The following BCKDHB variants were observed in gnomAD, a reference collection of about 807,000 sequenced individuals.
BCKDHB encodes 2-oxoisovalerate dehydrogenase subunit beta, mitochondrial.
BCKDHB carries 41 observed loss-of-function variants against 48.5 expected under a neutral mutation model. The observed-to-expected ratio is 0.85, with a 90% CI of 0.66 to 1.10. The LOEUF is 1.10. Ranked by LOEUF, BCKDHB falls within the 50% of genes least tolerant of loss-of-function variation. The probability of loss-of-function intolerance (pLI) is 0.00; values close to 1 mark genes in which losing one functional copy is unlikely to be tolerated. For synonymous variants in BCKDHB, 201 were observed against 174.8 expected, an observed-to-expected ratio of 1.15 and a Z score of -1.18; for missense variants, 496 against 494.2, an observed-to-expected ratio of 1.00 and a Z score of -0.03.
chr6:80,433,124 C>G, the BCKDHB span, among the ~76,000 whole-genome samples: 4 of 152,138 alleles, frequency 2.6e-5, no homozygotes, highest in African/African-American at 9.7e-5. Flanking sequence ...TCCTCCCAGT[C>G]AGGATACAAG....
chr6:80,356,934 TCCCCCG>T, the BCKDHB span: 10 of 58,416 alleles, frequency 1.7e-4, no homozygotes, highest in African/African-American at 2.6e-4. Flanking sequence ...TCTCTCTCTC[TCCCCCG>T]CCCCCGCCCC....
At chr6:80,148,604 T>C (rs1582234548) in intron 3 of BCKDHB, among the ~76,000 whole-genome samples, 1 of 152,136 alleles carries the variant, frequency 6.6e-6, no homozygotes, top group South Asian at 2.1e-4. Flanking sequence ...CCTAGTCTTA[T>C]TTAATTTAAA....
intron 6 of BCKDHB, among the ~76,000 whole-genome samples, chr6:80,196,957 C>G (rs1196282681): frequency 2.0e-5 from 3 of 152,160 alleles, no homozygotes; most frequent in Non-Finnish European, 4.4e-5. Context: ...CATTTTGTCA[C>G]TATTTATCTG....
At chr6:80,357,435 A>G in the BCKDHB span, among the ~76,000 whole-genome samples, 2 of 152,070 alleles carry the variant, frequency 1.3e-5, no homozygotes, top group African/African-American at 4.8e-5. Context: ...GCTAAACCCA[A>G]TTGCAAGATG....
intron 8 of BCKDHB, among the ~76,000 whole-genome samples, chr6:80,241,062 G>A (rs757715945): frequency 6.6e-6 from 1 of 152,070 alleles, no homozygotes; most frequent in Non-Finnish European, 1.5e-5. Context: ...GCTTGTGCAT[G>A]TGTCACGTTG....
chr6:80,116,215 T>A (rs1769696102), intron 1 of BCKDHB, among the ~76,000 whole-genome samples: 1 of 152,218 alleles, frequency 6.6e-6, no homozygotes, highest in South Asian at 2.1e-4. Context: ...TGCATAGTTA[T>A]TAAAGACCTA....
chr6:80,406,426 A>G, the BCKDHB span, among the ~76,000 whole-genome samples: 1 of 152,212 alleles, frequency 6.6e-6, no homozygotes, highest in African/African-American at 2.4e-5. Flanking sequence ...TTGAGGAATC[A>G]CCACACTGTC....
chr6:80,365,027 G>T, the BCKDHB span, among the ~76,000 whole-genome samples: 1 of 152,138 alleles, frequency 6.6e-6, no homozygotes, highest in African/African-American at 2.4e-5. Flanking sequence ...AGGGGAGGGG[G>T]TATAAGAACA....
intron 6 of BCKDHB, among the ~76,000 whole-genome samples, chr6:80,178,389 A>G (rs1177848296): frequency 1.3e-5 from 2 of 152,248 alleles, no homozygotes; most frequent in Non-Finnish European, 2.9e-5. Context: ...TGGCTAGAGA[A>G]GAGATGCCTC....
At chr6:80,285,485 A>G (rs1213679454) in intron 9 of BCKDHB, among the ~76,000 whole-genome samples, 1 of 151,012 alleles carries the variant, frequency 6.6e-6, no homozygotes, top group Non-Finnish European at 1.5e-5. Context: ...CAACAGTAGC[A>G]TGGGTAAATC....
chr6:80,368,674 AT>A, the BCKDHB span, among the ~76,000 whole-genome samples: 1 of 151,760 alleles, frequency 6.6e-6, no homozygotes, highest in Non-Finnish European at 1.5e-5. Flanking sequence ...AAGCGGTTTC[AT>A]TTCTTTTCCA....
chr6:80,163,030 C>T (rs944317358), intron 3 of BCKDHB, among the ~76,000 whole-genome samples: 3 of 151,760 alleles, frequency 2.0e-5, no homozygotes, highest in African/African-American at 7.3e-5. Flanking sequence ...TCAAATGATC[C>T]TCCCACCTTA....
the BCKDHB span, among the ~76,000 whole-genome samples, chr6:80,411,205 G>C: frequency 6.6e-6 from 1 of 152,152 alleles, no homozygotes. Context: ...AGGCCCCTCA[G>C]CTGCAGGTCT....
At chr6:80,447,575 C>T in the BCKDHB span, among the ~76,000 whole-genome samples, 1 of 151,948 alleles carries the variant, frequency 6.6e-6, no homozygotes, top group Non-Finnish European at 1.5e-5. Context: ...GCATATTCAT[C>T]ATGTCCCTAA....
intron 9 of BCKDHB, among the ~76,000 whole-genome samples, chr6:80,329,735 C>T (rs1241009576): frequency 6.6e-6 from 1 of 152,116 alleles, no homozygotes; most frequent in Non-Finnish European, 1.5e-5. Flanking sequence ...GAGTGCTTCT[C>T]CTGGGTTCTT....
intron 9 of BCKDHB, chr6:80,307,540 G>T: frequency 1.2e-5 from 12 of 984,636 alleles, no homozygotes; most frequent in Non-Finnish European, 1.4e-5. Context: ...AAACTTAAAC[G>T]TCTCCAGATG....
At chr6:80,348,967 A>C (rs566429436), downstream of BCKDHB, among the ~76,000 whole-genome samples, 1 of 152,372 alleles carries the variant, frequency 6.6e-6, no homozygotes, top group African/African-American at 2.4e-5. Context: ...GGACATCATA[A>C]CTGGAAGGAC....
At chr6:80,316,514 G>A (rs1012757639) in intron 9 of BCKDHB, among the ~76,000 whole-genome samples, 2 of 151,848 alleles carry the variant, frequency 1.3e-5, no homozygotes, top group African/African-American at 2.4e-5. Context: ...CTATTTGGTG[G>A]GTAACAATAT....
the BCKDHB span, among the ~76,000 whole-genome samples, chr6:80,372,392 A>T: frequency 1.4e-4 from 22 of 152,102 alleles, no homozygotes; most frequent in Admixed American, 6.5e-4. Context: ...TATCAGCAGC[A>T]AACAGCAACA....
Sources: gnomAD v4.1 joint callset for allele counts (sites outside exome capture counted in the v4.1 genomes callset) on GRCh38, gnomAD v4.1.1 for gene constraint, MANE v1.5 for transcripts, NCBI Gene and HGNC (gene_info 2026-07-23, HGNC 2026-07-21) for gene names.